ATXN2: variants seen among roughly 807,000 people sequenced by gnomAD.
The protein encoded by ATXN2 is ataxin-2.
In ATXN2, 37 loss-of-function variants were observed where a neutral mutation model predicts 138.6. The observed-to-expected ratio is 0.27, with a 90% CI of 0.21 to 0.35. The LOEUF is 0.35. ATXN2 is among the 10% of genes least tolerant of loss of function. The pLI, the probability that ATXN2 is intolerant of heterozygous loss-of-function variation, is 1.00. For missense variants in ATXN2, 1,216 were observed against 1,480.3 expected, an observed-to-expected ratio of 0.82 and a Z score of 2.93; for synonymous variants, 549 against 543.7, an observed-to-expected ratio of 1.01 and a Z score of -0.13.
intron 1 of ATXN2, among the ~76,000 whole-genome samples, chr12:111,584,381 A>C: frequency 9.9e-6 from 1 of 101,472 alleles, no homozygotes; most frequent in Non-Finnish European, 1.6e-5. Flanking sequence ...CTGTCTCAAA[A>C]AAAAAAAAAA....
intron 18 of ATXN2, among the ~76,000 whole-genome samples, chr12:111,483,926 G>C (rs947591363): frequency 1.3e-5 from 2 of 151,944 alleles, no homozygotes; most frequent in African/African-American, 4.8e-5. Context: ...AGGACTACAG[G>C]AGCACACCAT....
At chr12:111,560,451 G>A (rs1322291079) in intron 1 of ATXN2, among the ~76,000 whole-genome samples, 1 of 152,176 alleles carries the variant, frequency 6.6e-6, no homozygotes. Context: ...ACCAAGAAAT[G>A]ACTACACAGC....
intron 14 of ATXN2, 152 bp downstream of exon 14, chr12:111,509,397 G>A (rs1879369350): frequency 1.8e-6 from 1 of 557,372 alleles, no homozygotes; most frequent in Admixed American, 3.3e-5. Flanking sequence ...CCCACTTAAA[G>A]GATAGGCAAA....
chr12:111,485,995 A>G, intron 16 of ATXN2, 130 bp from the exon 17 acceptor site: 1 of 751,462 alleles, frequency 1.3e-6, no homozygotes, highest in Non-Finnish European at 1.9e-6. Context: ...GAAAACAAAA[A>G]CACAGCACAT....
chr12:111,568,651 T>G (rs1883148321), intron 1 of ATXN2, among the ~76,000 whole-genome samples: 1 of 152,184 alleles, frequency 6.6e-6, no homozygotes, highest in South Asian at 2.1e-4. Flanking sequence ...GTTACCAACT[T>G]AAATGTCACC....
At chr12:111,494,998 G>A (rs989125797) in intron 14 of ATXN2, among the ~76,000 whole-genome samples, 1 of 152,052 alleles carries the variant, frequency 6.6e-6, no homozygotes, top group South Asian at 2.1e-4. Context: ...AAAAGATACA[G>A]AGTGGCTAAA....
At chr12:111,586,518 T>C (rs1485801860) in intron 1 of ATXN2, among the ~76,000 whole-genome samples, 1 of 151,628 alleles carries the variant, frequency 6.6e-6, no homozygotes, top group Non-Finnish European at 1.5e-5. Flanking sequence ...CCCGAGTAGC[T>C]GGGACTACAG....
At chr12:111,480,229 TAAA>T (rs1877132280) in intron 18 of ATXN2, among the ~76,000 whole-genome samples, 1 of 152,124 alleles carries the variant, frequency 6.6e-6, no homozygotes, top group South Asian at 2.1e-4. Context: ...AATGTAAACA[TAAA>T]AAGATGAGCA....
chr12:111,455,224 C>T (rs1227209429), intron 23 of ATXN2: 9 of 676,158 alleles, frequency 1.3e-5, no homozygotes, highest in Middle Eastern at 4.8e-4. Context: ...CCAATTCACC[C>T]GTAACAGCCC....
At chr12:111,486,719 T>G in intron 16 of ATXN2, 42 bp downstream of exon 16, 2 of 1,545,816 alleles carry the variant, frequency 1.3e-6, no homozygotes, top group Non-Finnish European at 1.8e-6. Flanking sequence ...TAATTTTTCT[T>G]TTTTTGGGAC....
chr12:111,499,533 G>A lies in ATXN2; in HGVS notation c.1935+10016C>T, dbSNP rs146545454. On this transcript the variant is annotated intron_variant, in intron 14 of 24. Coordinates refer to ENST00000673436, the MANE Select transcript of ATXN2 (RefSeq NM_001372574.1). ...AGCCTGGGCAACAAGGAGAAATCCC[G>A]TCTCTACTAAAAATACAAAAATTAG... is the stretch of plus-strand genomic sequence containing the variant. Among the ~76,000 whole-genome samples, 223 of 151,504 alleles carry A rather than the reference G, an allele frequency of 1.5e-3. 1 individual carries two copies. The highest frequency in any genetic ancestry group is 5.1e-3 in the African/African-American group (211 of 41,302).
At chr12:111,517,012 C>A (rs747601892) in intron 9 of ATXN2, among the ~76,000 whole-genome samples, 1 of 152,004 alleles carries the variant, frequency 6.6e-6, no homozygotes, top group Non-Finnish European at 1.5e-5. Context: ...AAAGTCTTGA[C>A]CTCATTAAAC....
At chr12:111,599,517 G>C (rs1452951536), upstream of ATXN2, 7 of 1,212,478 alleles carry the variant, frequency 5.8e-6, no homozygotes, top group South Asian at 2.2e-4. Flanking sequence ...GAGCGCATCG[G>C]AGGGCGGGCG....
chr12:111,544,068 C>A (rs1881678421), intron 5 of ATXN2, among the ~76,000 whole-genome samples: 2 of 151,812 alleles, frequency 1.3e-5, no homozygotes, highest in Non-Finnish European at 2.9e-5. Flanking sequence ...CAGAGCATGA[C>A]CCTGTTTCTT....
chr12:111,476,837 C>T (rs2283355), intron 18 of ATXN2, among the ~76,000 whole-genome samples: 8,861 of 152,062 alleles, frequency 0.058, 404 homozygotes, highest in South Asian at 0.22. Context: ...GTGCACAATC[C>T]CAAGCTGATT....
At chr12:111,546,042 C>A (rs1408797029) in intron 5 of ATXN2, among the ~76,000 whole-genome samples, 4 of 151,440 alleles carry the variant, frequency 2.6e-5, no homozygotes, top group Non-Finnish European at 4.4e-5. Context: ...TGATGGAGAT[C>A]TTTTCCATTA....
chr12:111,563,583 A>G (rs1378852641), intron 1 of ATXN2, among the ~76,000 whole-genome samples: 1 of 152,148 alleles, frequency 6.6e-6, no homozygotes, highest in Non-Finnish European at 1.5e-5. Flanking sequence ...TAAATCTTAC[A>G]TATACAATTA....
intron 18 of ATXN2, among the ~76,000 whole-genome samples, chr12:111,472,439 T>TAC (rs2135676847): frequency 6.6e-6 from 1 of 152,338 alleles, no homozygotes; most frequent in African/African-American, 2.4e-5. Flanking sequence ...TCATATATGG[T>TAC]ACTTCATAAG....
At chr12:111,588,675 A>C (rs1884467659) in intron 1 of ATXN2, among the ~76,000 whole-genome samples, 1 of 151,910 alleles carries the variant, frequency 6.6e-6, no homozygotes, top group Non-Finnish European at 1.5e-5. Flanking sequence ...AAGTTTTCAT[A>C]AACAACCCAG....
Sources: allele counts gnomAD v4.1 joint callset (sites outside exome capture counted in the v4.1 genomes callset), GRCh38; gene constraint gnomAD v4.1.1; transcripts MANE v1.5; gene names NCBI Gene and HGNC (gene_info 2026-07-23, HGNC 2026-07-21).